BACH2: variants seen among roughly 807,000 people sequenced by gnomAD.
The protein encoded by BACH2 is transcription regulator protein BACH2.
A neutral mutation model predicts 61.8 loss-of-function variants in BACH2; 5 were observed. That is an observed-to-expected ratio of 0.08 (90% CI 0.04 to 0.17). BACH2 has a LOEUF of 0.17. Among genes scored for constraint, BACH2 ranks in the 10% least tolerant of loss-of-function variants. The pLI, the probability that BACH2 is intolerant of heterozygous loss-of-function variation, is 1.00. For missense variants in BACH2, 824 were observed against 1,091.1 expected (o/e 0.76, Z 3.45); for synonymous variants, 446 against 440.1 (o/e 1.01, Z -0.17).
At chr6:90,149,315 G>A (rs564508889) in intron 4 of BACH2, among the ~76,000 whole-genome samples, 2 of 152,280 alleles carry the variant, frequency 1.3e-5, no homozygotes, top group Non-Finnish European at 2.9e-5. Context: ...GAAAATACCA[G>A]TACTCCCAAC....
intron 3 of BACH2, among the ~76,000 whole-genome samples, chr6:90,242,626 G>T (rs975318556): frequency 6.6e-6 from 1 of 152,136 alleles, no homozygotes; most frequent in Non-Finnish European, 1.5e-5. Context: ...TGAATTGTAC[G>T]TTAAGCCTAT....
chr6:90,085,436 C>G (rs901746470), intron 5 of BACH2, among the ~76,000 whole-genome samples: 2 of 152,132 alleles, frequency 1.3e-5, no homozygotes, highest in Non-Finnish European at 2.9e-5. Context: ...TTACAAACAC[C>G]CATCTGGAGG....
chr6:90,219,779 AACACATACACAC>A (rs1460760375), intron 3 of BACH2, among the ~76,000 whole-genome samples: 1 of 70,548 alleles, frequency 1.4e-5, no homozygotes, highest in Non-Finnish European at 2.8e-5. Context: ...GGGGCTTTAA[AACACATACACAC>A]ACACACACAC....
intron 6 of BACH2, among the ~76,000 whole-genome samples, chr6:89,999,056 T>C (rs1290399855): frequency 6.6e-6 from 1 of 152,236 alleles, no homozygotes; most frequent in Non-Finnish European, 1.5e-5. Flanking sequence ...GGATTCTAAC[T>C]CTGAGTATTT....
chr6:90,014,453 TATATATATATATA>T, intron 5 of BACH2, among the ~76,000 whole-genome samples: 1 of 82,002 alleles, frequency 1.2e-5, no homozygotes, highest in African/African-American at 6.9e-5. Flanking sequence ...TATATATATA[TATATATATATATA>T]TATTTTTTTT....
At chr6:90,277,642 T>TC (rs1771736662) in intron 1 of BACH2, among the ~76,000 whole-genome samples, 1 of 152,216 alleles carries the variant, frequency 6.6e-6, no homozygotes, top group African/African-American at 2.4e-5. Context: ...ATATTATCAT[T>TC]CAATTAAAAA....
At chr6:89,980,570 C>T (rs1562342270) in intron 6 of BACH2, among the ~76,000 whole-genome samples, 2 of 152,216 alleles carry the variant, frequency 1.3e-5, no homozygotes, top group Non-Finnish European at 2.9e-5. Flanking sequence ...TGACCTGGTA[C>T]AGTGCCTCAG....
chr6:90,198,608 G>A (rs1768846007), intron 4 of BACH2, among the ~76,000 whole-genome samples: 1 of 152,054 alleles, frequency 6.6e-6, no homozygotes, highest in Non-Finnish European at 1.5e-5. Flanking sequence ...GTTAAGTCAG[G>A]CCACATGACC....
At chr6:90,285,916 A>G (rs1772004703) in intron 1 of BACH2, among the ~76,000 whole-genome samples, 1 of 152,264 alleles carries the variant, frequency 6.6e-6, no homozygotes, top group Non-Finnish European at 1.5e-5. Context: ...AACAGGGTAC[A>G]TGCAAATTAG....
chr6:90,259,147 TAG>T (rs1771078366), intron 2 of BACH2, among the ~76,000 whole-genome samples: 1 of 152,230 alleles, frequency 6.6e-6, no homozygotes, highest in Non-Finnish European at 1.5e-5. Flanking sequence ...TGCCTGATAC[TAG>T]ACCTTCATGG....
chr6:90,061,885 T>C (rs1197701569), intron 5 of BACH2, among the ~76,000 whole-genome samples: 3 of 152,146 alleles, frequency 2.0e-5, no homozygotes, highest in Admixed American at 6.5e-5. Flanking sequence ...GAGACTTTAA[T>C]GGAGTGTGTC....
intron 6 of BACH2, among the ~76,000 whole-genome samples, chr6:90,003,735 T>C (rs1777257432): frequency 6.6e-6 from 1 of 152,186 alleles, no homozygotes; most frequent in Admixed American, 6.5e-5. Flanking sequence ...CTGATGATCC[T>C]AGTTTAAAAA....
intron 6 of BACH2, among the ~76,000 whole-genome samples, chr6:89,959,227 T>C (rs1328495422): frequency 9.2e-5 from 14 of 151,768 alleles, no homozygotes; most frequent in African/African-American, 3.4e-4. Context: ...GGTCAAACAG[T>C]AGACCACCAT....
At chr6:90,260,376 C>T (rs931282805) in intron 2 of BACH2, among the ~76,000 whole-genome samples, 1 of 152,194 alleles carries the variant, frequency 6.6e-6, no homozygotes, top group Non-Finnish European at 1.5e-5. Flanking sequence ...CCTCCTGTCA[C>T]TGATGTCTAG....
intron 4 of BACH2, among the ~76,000 whole-genome samples, chr6:90,167,312 A>G (rs1767660213): frequency 6.6e-6 from 1 of 152,108 alleles, no homozygotes. Flanking sequence ...CCTATTCCCT[A>G]GGTGGGTGTC....
At chr6:89,965,969 A>C (rs1333762772) in intron 6 of BACH2, among the ~76,000 whole-genome samples, 2 of 152,164 alleles carry the variant, frequency 1.3e-5, no homozygotes, top group Non-Finnish European at 2.9e-5. Flanking sequence ...CAAGCTGAAG[A>C]CATGTAGGTA....
chr6:90,246,508 T>C (rs1052760209), intron 3 of BACH2, among the ~76,000 whole-genome samples: 14 of 152,172 alleles, frequency 9.2e-5, no homozygotes, highest in African/African-American at 2.9e-4. Flanking sequence ...TGATGTCTAA[T>C]GTAGTACAGT....
intron 6 of BACH2, among the ~76,000 whole-genome samples, chr6:90,005,584 A>C (rs909098978): frequency 3.3e-5 from 5 of 152,216 alleles, no homozygotes; most frequent in African/African-American, 1.2e-4. Context: ...GGGACATTTC[A>C]GTGTGCACAC....
intron 5 of BACH2, among the ~76,000 whole-genome samples, chr6:90,078,032 T>G (rs1379312031): frequency 1.3e-5 from 2 of 152,162 alleles, no homozygotes; most frequent in Admixed American, 1.3e-4. Flanking sequence ...AGAAAATAAC[T>G]TGCAAAGCAT....
Sources: allele counts gnomAD v4.1 joint callset (sites outside exome capture counted in the v4.1 genomes callset), GRCh38; gene constraint gnomAD v4.1.1; transcripts MANE v1.5; gene names NCBI Gene and HGNC (gene_info 2026-07-23, HGNC 2026-07-21).